Variants in PCDH15 observed in about 807,000 individuals in gnomAD.
PCDH15 encodes protocadherin related 15, also known as protocadherin-15.
A neutral mutation model predicts 178.5 loss-of-function variants in PCDH15; 129 were observed. The observed-to-expected ratio is 0.72, with a 90% CI of 0.63 to 0.84. The LOEUF is 0.84. Ranked by LOEUF, PCDH15 falls within the 40% of genes least tolerant of loss-of-function variation. The probability of loss-of-function intolerance (pLI) is 0.00; values close to 1 mark genes in which losing one functional copy is unlikely to be tolerated. For synonymous variants in PCDH15, 800 were observed against 732.0 expected (o/e 1.09, Z -1.50); for missense variants, 2,230 against 2,099.9 (o/e 1.06, Z -1.21).
intron 9 of PCDH15, among the ~76,000 whole-genome samples, chr10:54,229,209 C>T (rs1402565342): frequency 6.6e-6 from 1 of 152,000 alleles, no homozygotes; most frequent in Non-Finnish European, 1.5e-5. Flanking sequence ...CGTGGAGATC[C>T]AGGCAGACCG....
In PCDH15 at chr10:54,186,711, G is replaced by T. The variant is rs561134459; in HGVS notation, c.1306-1443C>A. On this transcript the variant is annotated intron_variant, in intron 11 of 37. Coordinates refer to ENST00000644397, the MANE Select transcript of PCDH15 (RefSeq NM_001384140.1). ...AAAAATATTGAGAAAAAGTTCAAGA[G>T]GCTTCACACTCTGATATTTTCAAAC... is the stretch of plus-strand genomic sequence containing the variant. Among the ~76,000 whole-genome samples the T allele has an allele frequency of 2.8e-3, 421 of 151,924 alleles. 3 individuals are homozygous for T. Among genetic ancestry groups the T allele is most frequent in the African/African-American group, 7.4e-3 (307 of 41,492 alleles).
intron 3 of PCDH15, among the ~76,000 whole-genome samples, chr10:54,845,168 T>A (rs1192277945): frequency 6.6e-6 from 1 of 151,952 alleles, no homozygotes; most frequent in Non-Finnish European, 1.5e-5. Context: ...ATTACTTACC[T>A]GAATGTTCAT....
chr10:54,259,910 A>G (rs377610221), intron 8 of PCDH15, among the ~76,000 whole-genome samples: 2 of 152,178 alleles, frequency 1.3e-5, no homozygotes, highest in Admixed American at 6.5e-5. Context: ...AAATGTAAAC[A>G]TGGCCTTAAT....
At chr10:54,611,549 G>A (rs995719949) in intron 2 of PCDH15, among the ~76,000 whole-genome samples, 3 of 151,796 alleles carry the variant, frequency 2.0e-5, no homozygotes, top group African/African-American at 7.2e-5. Flanking sequence ...CTAGCCAATA[G>A]GAATCACACA....
chr10:53,818,126 A>G (rs568561644), intron 33 of PCDH15, 113 bp from the exon 34 acceptor site: 22 of 393,542 alleles, frequency 5.6e-5, no homozygotes, highest in African/African-American at 3.1e-4. Flanking sequence ...TGAGAAGACA[A>G]TTTCTACTAA....
intron 2 of PCDH15, among the ~76,000 whole-genome samples, chr10:54,623,947 A>T (rs941833167): frequency 6.6e-6 from 1 of 152,144 alleles, no homozygotes; most frequent in Non-Finnish European, 1.5e-5. Context: ...TATATTTTAA[A>T]ATGAAATCAT....
intron 2 of PCDH15, among the ~76,000 whole-genome samples, chr10:55,414,608 A>G (rs554742940): frequency 1.3e-5 from 2 of 151,576 alleles, no homozygotes; most frequent in Non-Finnish European, 3.0e-5. Flanking sequence ...CCTTTGTTAA[A>G]TGTATTAATA....
At position 54,030,788 on chromosome 10, in the gene PCDH15, CTG is replaced by C. The variant is rs1268714776; in HGVS notation, c.2221-7593_2221-7592del. The stretch of plus-strand genomic sequence containing the variant: ...TCAGACTAACTCTCTGACACAAACT[CTG>C]TGTTTTAGTCAAAGGAGTCTATTTA... On this transcript the variant is annotated intron_variant, in intron 18 of 37. Coordinates refer to ENST00000644397, the MANE Select transcript of PCDH15 (RefSeq NM_001384140.1). Among the ~76,000 whole-genome samples, 3 of 151,768 alleles carry C rather than the reference CTG, an allele frequency of 2.0e-5. No individual in the cohort carries two copies. In the Admixed American group the frequency reaches 2.0e-4, roughly 10 times the overall value.
intron 21 of PCDH15, among the ~76,000 whole-genome samples, chr10:53,978,657 G>GGT (rs1564914167): frequency 4.2e-5 from 6 of 143,182 alleles, no homozygotes; most frequent in Non-Finnish European, 4.6e-5. Flanking sequence ...TCCAGAAAAT[G>GGT]TTTTTTTTTT....
chr10:54,284,862 TC>T (rs985389883), intron 8 of PCDH15, among the ~76,000 whole-genome samples: 6 of 152,158 alleles, frequency 3.9e-5, no homozygotes, highest in Admixed American at 6.5e-5. Flanking sequence ...AATATTCATT[TC>T]CCTGGTTCAT....
At chr10:55,326,055 G>A (rs1216170520) in intron 2 of PCDH15, among the ~76,000 whole-genome samples, 3 of 152,124 alleles carry the variant, frequency 2.0e-5, no homozygotes, top group Non-Finnish European at 4.4e-5. Flanking sequence ...TCTCACATGA[G>A]TCAGTATAGT....
chr10:55,361,359 T>C (rs533837380), intron 2 of PCDH15, among the ~76,000 whole-genome samples: 1 of 152,074 alleles, frequency 6.6e-6, no homozygotes, highest in Admixed American at 6.6e-5. Context: ...ATTGTATAAA[T>C]AGTCAAACAT....
chr10:55,088,015 GAACT>G (rs1842218155), intron 2 of PCDH15, among the ~76,000 whole-genome samples: 2 of 151,842 alleles, frequency 1.3e-5, no homozygotes, highest in South Asian at 4.2e-4. Flanking sequence ...ATAAAAACTG[GAACT>G]AATAACACAA....
At chr10:54,582,728 T>A (rs537960288) in intron 2 of PCDH15, among the ~76,000 whole-genome samples, 3 of 152,102 alleles carry the variant, frequency 2.0e-5, no homozygotes, top group South Asian at 2.1e-4. Flanking sequence ...ATGGGCAATG[T>A]AGGGAGGCCC....
intron 11 of PCDH15, among the ~76,000 whole-genome samples, chr10:54,193,261 A>G (rs1591078060): frequency 6.6e-6 from 1 of 152,222 alleles, no homozygotes; most frequent in East Asian, 1.9e-4. Context: ...GACAATCCAG[A>G]CAAGTACGGG....
chr10:54,885,763 T>C (rs1451142949), intron 3 of PCDH15, among the ~76,000 whole-genome samples: 4 of 151,812 alleles, frequency 2.6e-5, no homozygotes, highest in African/African-American at 7.3e-5. Flanking sequence ...GACAGTAGGG[T>C]TCTATGAGAA....
intron 13 of PCDH15, among the ~76,000 whole-genome samples, chr10:54,179,377 C>T (rs1244158458): frequency 7.4e-6 from 1 of 135,506 alleles, no homozygotes; most frequent in Non-Finnish European, 1.5e-5. Flanking sequence ...AATGAGAACA[C>T]ATGGACACAG....
intron 26 of PCDH15, among the ~76,000 whole-genome samples, chr10:53,887,157 A>G (rs555074991): frequency 6.6e-6 from 1 of 152,158 alleles, no homozygotes; most frequent in African/African-American, 2.4e-5. Flanking sequence ...TTCAGATCCA[A>G]CCTAAGGTAT....
chr10:53,979,638 A>G (rs1314510831), intron 21 of PCDH15, among the ~76,000 whole-genome samples: 1 of 152,196 alleles, frequency 6.6e-6, no homozygotes, highest in African/African-American at 2.4e-5. Context: ...ATGCTTTTGT[A>G]CTCATGGGCC....
Sources: allele counts gnomAD v4.1 joint callset (sites outside exome capture counted in the v4.1 genomes callset), GRCh38; gene constraint gnomAD v4.1.1; transcripts MANE v1.5; gene names NCBI Gene and HGNC (gene_info 2026-07-23, HGNC 2026-07-21).